The following BMPR1B variants were observed in gnomAD, a reference collection of about 807,000 sequenced individuals.
BMPR1B encodes bone morphogenetic protein receptor type 1B, also known as bone morphogenetic protein receptor type-1B.
In BMPR1B, 12 loss-of-function variants were observed where a neutral mutation model predicts 59.1. The observed-to-expected ratio is 0.20, with a 90% CI of 0.13 to 0.33. The LOEUF (loss-of-function observed/expected upper bound fraction) is 0.33, where lower values mean the gene tolerates loss of function less well. Among genes scored for constraint, BMPR1B ranks in the 10% least tolerant of loss-of-function variants. The probability of loss-of-function intolerance (pLI) is 1.00; values close to 1 mark genes in which losing one functional copy is unlikely to be tolerated. For synonymous variants in BMPR1B, 237 were observed against 207.3 expected, an observed-to-expected ratio of 1.14 and a Z score of -1.23; for missense variants, 550 against 610.9, an observed-to-expected ratio of 0.90 and a Z score of 1.05.
At chr4:95,091,665 G>T in intron 3 of BMPR1B, 1 of 921,172 alleles carries the variant, frequency 1.1e-6, no homozygotes, top group Non-Finnish European at 1.3e-6. Context: ...CACAGAGACT[G>T]TTTTTTTTTT....
chr4:95,148,679 A>G (rs1377401912), intron 10 of BMPR1B, 69 bp from the exon 11 acceptor site: 1 of 1,501,448 alleles, frequency 6.7e-7, no homozygotes, highest in Non-Finnish European at 9.3e-7. Context: ...CCATTGTTTC[A>G]GAATCACCTT....
At chr4:94,834,221 AG>A (rs1724710281) in intron 1 of BMPR1B, among the ~76,000 whole-genome samples, 1 of 152,172 alleles carries the variant, frequency 6.6e-6, no homozygotes, top group African/African-American at 2.4e-5. Flanking sequence ...ATCCTGAGGC[AG>A]TTGCCTGTAG....
intron 3 of BMPR1B, among the ~76,000 whole-genome samples, chr4:95,064,302 C>A (rs1727637155): frequency 6.6e-6 from 1 of 152,168 alleles, no homozygotes; most frequent in Non-Finnish European, 1.5e-5. Context: ...AGGAAGTGAG[C>A]AGTTGGCAAG....
chr4:95,070,146 T>A (rs1728169077), intron 3 of BMPR1B, among the ~76,000 whole-genome samples: 1 of 152,018 alleles, frequency 6.6e-6, no homozygotes, highest in South Asian at 2.1e-4. Flanking sequence ...ACAAAAACTG[T>A]AATCTTAGCT....
At chr4:94,882,895 A>C (rs1450255760) in intron 2 of BMPR1B, among the ~76,000 whole-genome samples, 1 of 152,146 alleles carries the variant, frequency 6.6e-6, no homozygotes, top group East Asian at 1.9e-4. Context: ...CAGAATGCTT[A>C]GAGGTAGGAT....
At chr4:95,135,286 C>T (rs1486151693) in intron 10 of BMPR1B, among the ~76,000 whole-genome samples, 5 of 152,090 alleles carry the variant, frequency 3.3e-5, no homozygotes, top group African/African-American at 1.2e-4. Context: ...AGTTTGAAGT[C>T]AGGTAGTGTG....
At chr4:94,961,157 G>T (rs1238423904) in intron 2 of BMPR1B, among the ~76,000 whole-genome samples, 1 of 152,188 alleles carries the variant, frequency 6.6e-6, no homozygotes, top group Non-Finnish European at 1.5e-5. Context: ...GAACATACCA[G>T]TGACTGATCC....
intron 3 of BMPR1B, among the ~76,000 whole-genome samples, chr4:95,026,102 C>CTTTCTTTCTTTCTTTCTTTCTTTTTTTT (rs750840883): frequency 5.0e-5 from 6 of 120,444 alleles, no homozygotes; most frequent in Non-Finnish European, 8.7e-5. Context: ...TCTTTCATTT[C>CTTTCTTTCTTTCTTTCTTTCTTTTTTTT]TTTCTTTCTT....
chr4:95,133,223 C>G (rs1056237983), intron 10 of BMPR1B, among the ~76,000 whole-genome samples: 4 of 152,190 alleles, frequency 2.6e-5, no homozygotes, highest in African/African-American at 4.8e-5. Flanking sequence ...GAGTTACTTT[C>G]TCTTTGTCTC....
Position 95,127,808 on chromosome 4 carries a change from A to G in BMPR1B, c.586-2054A>G, listed in dbSNP as rs961502957. ...TACATCAGCAGTTCTTTTTTAATAA[A>G]TTACGAAATTTATAATCTTCATTAT... On this transcript the variant is annotated intron_variant, in intron 8 of 12. Coordinates refer to ENST00000515059, the MANE Select transcript of BMPR1B (RefSeq NM_001203.3). 2.6e-4 allele frequency among the ~76,000 whole-genome samples: 39 copies of G among 151,900 alleles called. 1 individual carries two copies. The highest frequency in any genetic ancestry group is 9.2e-4 in the African/African-American group (38 of 41,378).
At chr4:95,077,621 T>TATCACATTCCTTAAA (rs1728811606) in intron 3 of BMPR1B, among the ~76,000 whole-genome samples, 2 of 152,188 alleles carry the variant, frequency 1.3e-5, no homozygotes, top group Non-Finnish European at 2.9e-5. Context: ...ATATTTCCTA[T>TATCACATTCCTTAAA]GTATGCTCTT....
chr4:95,051,740 T>C (rs983605701), intron 3 of BMPR1B: 2 of 1,535,526 alleles, frequency 1.3e-6, no homozygotes, highest in Admixed American at 2.0e-5. Flanking sequence ...CTTCACATTT[T>C]CTTGCTCATT....
intron 2 of BMPR1B, among the ~76,000 whole-genome samples, chr4:94,928,713 A>G (rs1294446391): frequency 6.6e-6 from 1 of 152,044 alleles, no homozygotes; most frequent in Non-Finnish European, 1.5e-5. Context: ...GATATAAAAC[A>G]GGCCCCTTAT....
chr4:95,151,717 T>C (rs937383579), intron 11 of BMPR1B, among the ~76,000 whole-genome samples: 2 of 152,268 alleles, frequency 1.3e-5, no homozygotes, highest in East Asian at 1.9e-4. Context: ...CGATGTGATA[T>C]ATAATCTGCC....
At chr4:94,806,866 A>C (rs1361755117) in intron 1 of BMPR1B, among the ~76,000 whole-genome samples, 2 of 152,074 alleles carry the variant, frequency 1.3e-5, no homozygotes, top group East Asian at 1.9e-4. Flanking sequence ...TTTTTTGGCA[A>C]ATCTGGGGAC....
chr4:94,879,783 C>A (rs946270447), intron 2 of BMPR1B, among the ~76,000 whole-genome samples: 9 of 151,680 alleles, frequency 5.9e-5, no homozygotes, highest in Non-Finnish European at 1.3e-4. Flanking sequence ...ATATTTCTGT[C>A]ATTAAATTGG....
At position 94,827,474 on chromosome 4, in the gene BMPR1B, CTTG is replaced by C. The variant is rs558762132; in HGVS notation, c.-182-48356_-182-48354del. Among the ~76,000 whole-genome samples the C allele has an allele frequency of 3.4e-4, 52 of 152,260 alleles. No homozygotes were observed. The South Asian group carries it at 0.011, about 31-fold the overall frequency. On this transcript the variant is annotated intron_variant, in intron 1 of 12. Coordinates refer to ENST00000515059, the MANE Select transcript of BMPR1B (RefSeq NM_001203.3). Reference sequence around the variant, plus strand: ...TTGTGCTGTTTGCACATTACTGCCTCTTGATACAGGTTCAACAAATAAGTATGG... The same window carrying C: ...TTGTGCTGTTTGCACATTACTGCCTCATACAGGTTCAACAAATAAGTATGG...
At chr4:95,030,626 G>A (rs1480459574) in intron 3 of BMPR1B, among the ~76,000 whole-genome samples, 2 of 152,024 alleles carry the variant, frequency 1.3e-5, no homozygotes, top group African/African-American at 4.8e-5. Flanking sequence ...AAACCCCATT[G>A]TCTCAGCCCA....
At chr4:94,821,398 C>T (rs564600754) in intron 1 of BMPR1B, among the ~76,000 whole-genome samples, 2 of 151,864 alleles carry the variant, frequency 1.3e-5, no homozygotes. Context: ...ATAATTTTTG[C>T]TAGAATTTAG....
Sources: allele counts gnomAD v4.1 joint callset (sites outside exome capture counted in the v4.1 genomes callset), GRCh38; gene constraint gnomAD v4.1.1; transcripts MANE v1.5; gene names NCBI Gene and HGNC (gene_info 2026-07-23, HGNC 2026-07-21).